The following SLC25A48 variants were observed in gnomAD, a reference collection of about 807,000 sequenced individuals.
The protein encoded by SLC25A48 is CTC-321K16.1.
Under a neutral mutation model 32.2 loss-of-function variants are expected in SLC25A48, and 29 were observed. That is an observed-to-expected ratio of 0.90 (90% CI 0.67 to 1.23). The LOEUF (loss-of-function observed/expected upper bound fraction) is 1.23. Among genes scored for constraint, SLC25A48 ranks in the 50% most tolerant of loss-of-function variants. The pLI, the probability that SLC25A48 is intolerant of heterozygous loss-of-function variation, is 0.00. For synonymous variants in SLC25A48, 164 were observed against 172.3 expected (o/e 0.95, Z 0.38); for missense variants, 399 against 422.7 (o/e 0.94, Z 0.49).
chr5:135,612,176 A>G (rs999354871), intron 1 of SLC25A48, among the ~76,000 whole-genome samples: 1 of 152,260 alleles, frequency 6.6e-6, no homozygotes, highest in Non-Finnish European at 1.5e-5. Flanking sequence ...ATTACAAAAC[A>G]TTGCTGAAAG....
At chr5:135,587,297 T>C (rs1461613489) in intron 1 of SLC25A48, among the ~76,000 whole-genome samples, 1 of 152,236 alleles carries the variant, frequency 6.6e-6, no homozygotes, top group Non-Finnish European at 1.5e-5. Flanking sequence ...CTTCCCAAAA[T>C]TCTGGAACTA....
chr5:135,752,304 C>T (rs1755789341), intron 3 of SLC25A48, among the ~76,000 whole-genome samples: 1 of 152,170 alleles, frequency 6.6e-6, no homozygotes, highest in African/African-American at 2.4e-5. Flanking sequence ...GGTGCAGTGG[C>T]TCACCCCTGT....
chr5:135,803,206 T>A lies in SLC25A48; in HGVS notation c.-520-9317T>A, dbSNP rs112648815. Reference sequence around the variant, plus strand: ...GTGTAATATCACAGTGGGTGCACTCTGTATGATGTTATTTATAATATACTT... The same window carrying A: ...GTGTAATATCACAGTGGGTGCACTCAGTATGATGTTATTTATAATATACTT... On this transcript the variant is annotated intron_variant, in intron 3 of 10. Transcript: ENST00000646290. 198 of 151,614 alleles carry A rather than the reference T, an allele frequency of 1.3e-3. 1 individual carries two copies. Among genetic ancestry groups the A allele is most frequent in the African/African-American group, 4.5e-3 (188 of 41,432 alleles). 9.4% of individuals were successfully genotyped at this position (151,614 alleles called of 1,614,324 possible).
intron 1 of SLC25A48, among the ~76,000 whole-genome samples, chr5:135,585,460 T>C (rs895589835): frequency 6.6e-6 from 1 of 152,170 alleles, no homozygotes; most frequent in Non-Finnish European, 1.5e-5. Flanking sequence ...TCGTAGACCT[T>C]GTTGTCTCCA....
chr5:135,754,733 G>A (rs951566237), intron 3 of SLC25A48, among the ~76,000 whole-genome samples: 6 of 151,858 alleles, frequency 4.0e-5, no homozygotes, highest in African/African-American at 1.5e-4. Flanking sequence ...TGATATTAAT[G>A]AAATATCGCT....
At chr5:135,721,924 T>A (rs1411289927) in intron 3 of SLC25A48, among the ~76,000 whole-genome samples, 4 of 152,244 alleles carry the variant, frequency 2.6e-5, no homozygotes, top group Non-Finnish European at 1.5e-5. Context: ...ACAAACATGT[T>A]GCTGAAAACC....
chr5:135,851,240 T>C (rs1450279125), intron 3 of SLC25A48, among the ~76,000 whole-genome samples: 3 of 152,122 alleles, frequency 2.0e-5, no homozygotes, highest in African/African-American at 7.2e-5. Flanking sequence ...TGCAGGCACC[T>C]AGAGTTTTCC....
chr5:135,811,533 T>C (rs143143609), intron 3 of SLC25A48, among the ~76,000 whole-genome samples: 2 of 152,290 alleles, frequency 1.3e-5, no homozygotes, highest in African/African-American at 2.4e-5. Context: ...ATTGTGTTAT[T>C]GAAAATCACT....
chr5:135,871,060 GACACACACACACACACACACAC>G (rs10569008), intron 4 of SLC25A48, among the ~76,000 whole-genome samples: 35 of 137,682 alleles, frequency 2.5e-4, no homozygotes, highest in African/African-American at 8.1e-4. Context: ...TGTGTACACA[GACACACACACACACACACACAC>G]ACACACACAC....
At chr5:135,882,242 T>G (rs187311591) in intron 7 of SLC25A48, among the ~76,000 whole-genome samples, 1 of 152,346 alleles carries the variant, frequency 6.6e-6, no homozygotes, top group Non-Finnish European at 1.5e-5. Context: ...TGCAGATTCA[T>G]CTTAAACAAG....
intron 1 of SLC25A48, among the ~76,000 whole-genome samples, chr5:135,605,697 A>G: frequency 6.6e-6 from 1 of 152,180 alleles, no homozygotes; most frequent in South Asian, 2.1e-4. Context: ...GTGAACTTGG[A>G]AATTGTCCTA....
intron 3 of SLC25A48, among the ~76,000 whole-genome samples, chr5:135,793,852 T>C (rs1757096019): frequency 6.6e-6 from 1 of 151,822 alleles, no homozygotes; most frequent in African/African-American, 2.4e-5. Flanking sequence ...TTATTTGTAA[T>C]ATCATGTGGA....
At chr5:135,623,025 A>G (rs917885488) in intron 1 of SLC25A48, among the ~76,000 whole-genome samples, 3 of 152,108 alleles carry the variant, frequency 2.0e-5, no homozygotes, top group Non-Finnish European at 2.9e-5. Context: ...TTCTGAGTCA[A>G]CCTGCACTGC....
intron 3 of SLC25A48, among the ~76,000 whole-genome samples, chr5:135,720,899 T>C (rs1294668296): frequency 6.6e-6 from 1 of 152,054 alleles, no homozygotes; most frequent in African/African-American, 2.4e-5. Flanking sequence ...GTTCTGGCCC[T>C]CCCTCTGACA....
chr5:135,868,856 C>G (rs572293120), intron 4 of SLC25A48, among the ~76,000 whole-genome samples: 3 of 152,300 alleles, frequency 2.0e-5, no homozygotes, highest in African/African-American at 7.2e-5. Flanking sequence ...ATCAATAACT[C>G]CTGAAAGCCA....
intron 1 of SLC25A48, among the ~76,000 whole-genome samples, chr5:135,612,562 T>C (rs918842525): frequency 6.6e-6 from 1 of 152,172 alleles, no homozygotes. Context: ...CTTCCCAGCC[T>C]CTGGTATCTA....
chr5:135,645,099 C>T (rs2126919878), intron 3 of SLC25A48, among the ~76,000 whole-genome samples: 1 of 152,312 alleles, frequency 6.6e-6, no homozygotes, highest in South Asian at 2.1e-4. Flanking sequence ...GGAATGAAAC[C>T]AACTCTCAGC....
intron 1 of SLC25A48, among the ~76,000 whole-genome samples, chr5:135,599,068 G>C (rs759602841): frequency 1.3e-5 from 2 of 152,076 alleles, no homozygotes; most frequent in Non-Finnish European, 2.9e-5. Flanking sequence ...CTATTTTAAG[G>C]CTTCTCTGGG....
At chr5:135,624,210 G>A (rs1752391691) in intron 1 of SLC25A48, among the ~76,000 whole-genome samples, 1 of 152,180 alleles carries the variant, frequency 6.6e-6, no homozygotes, top group Non-Finnish European at 1.5e-5. Context: ...TGAGAACCTG[G>A]GAACCATAGC....
Sources: gnomAD v4.1 joint callset for allele counts (sites outside exome capture counted in the v4.1 genomes callset) on GRCh38, gnomAD v4.1.1 for gene constraint, MANE v1.5 for transcripts, NCBI Gene and HGNC (gene_info 2026-07-23, HGNC 2026-07-21) for gene names.